Variants in TRPM3 observed in about 807,000 individuals in gnomAD.
TRPM3 encodes the protein transient receptor potential cation channel subfamily M member 3.
TRPM3 carries 77 observed loss-of-function variants against 181.2 expected under a neutral mutation model. The observed-to-expected ratio is 0.42, with a 90% CI of 0.35 to 0.51. TRPM3 has a LOEUF of 0.51. TRPM3 is among the 20% of genes least tolerant of loss of function. The pLI is 0.01. For missense variants in TRPM3, 1,759 were observed against 2,196.7 expected, an observed-to-expected ratio of 0.80 and a Z score of 3.98; for synonymous variants, 745 against 796.4, an observed-to-expected ratio of 0.94 and a Z score of 1.09.
intron 1 of TRPM3, among the ~76,000 whole-genome samples, chr9:71,272,961 G>C (rs574244024): frequency 6.6e-6 from 1 of 150,778 alleles, no homozygotes; most frequent in African/African-American, 2.4e-5. Flanking sequence ...TGCAACCTTC[G>C]CCTCCCGGGT....
intron 1 of TRPM3, among the ~76,000 whole-genome samples, chr9:71,208,783 T>A (rs1024866711): frequency 1.3e-5 from 2 of 152,180 alleles, no homozygotes; most frequent in Non-Finnish European, 2.9e-5. Flanking sequence ...TATACTATAA[T>A]TCTCCCATTT....
intron 14 of TRPM3, among the ~76,000 whole-genome samples, chr9:70,623,365 C>CAA (rs34432876): frequency 1.3e-4 from 15 of 112,808 alleles, no homozygotes; most frequent in East Asian, 1.3e-3. Context: ...GACTGCGTCT[C>CAA]AAAAAAAAAA....
Position 70,827,922 on chromosome 9 carries a change from T to C in TRPM3, c.898A>G (p.Thr300Ala). Residue 300 changes from threonine to alanine, a missense_variant, in exon 6 of 26, where the codon ACT becomes GCT. This residue lies in a region of TRPM3 where 737 missense variants were observed against 957.4 expected (regional missense o/e 0.77). Coordinates refer to ENST00000677713, the MANE Select transcript of TRPM3 (RefSeq NM_001366145.2). ...TTCACCTCTGCTCCATATTTTCCAG[T>C]GGTCCCGTTGTCAGCCAGAATGAAG... is the stretch of plus-strand genomic sequence containing the variant. ...SHFILADNGT[T>A]GKYGAEVKLR... 6.2e-7 allele frequency: 1 copy of C among 1,614,174 alleles called. No homozygotes were observed. Among genetic ancestry groups the C allele is most frequent in the Non-Finnish European group, 8.5e-7 (1 of 1,179,996 alleles).
intron 1 of TRPM3, among the ~76,000 whole-genome samples, chr9:71,086,448 T>A (rs1287249888): frequency 6.6e-6 from 1 of 151,990 alleles, no homozygotes; most frequent in East Asian, 1.9e-4. Context: ...AATGGACCAC[T>A]GACATAAATT....
In TRPM3 at chr9:70,535,565, C is replaced by T; in HGVS notation, c.*388G>A. On this transcript the variant is annotated 3_prime_UTR_variant, in exon 26 of 26. Transcript: ENST00000677713. ...TTTATTTTGCAATTTAGCCCTGCAT[C>T]CTACAACTCTTGATAATGGTCAGAA... 2.0e-6 allele frequency: 3 copies of T among 1,529,746 alleles called. No homozygotes were observed. Among genetic ancestry groups the T allele is most frequent in the Non-Finnish European group, 2.6e-6 (3 of 1,140,482 alleles). 94.8% of individuals were successfully genotyped at this position (1,529,746 alleles called of 1,614,324 possible).
In TRPM3 at chr9:70,843,227, A is replaced by C. The variant is rs910763802; in HGVS notation, c.677-100T>G. On this transcript the variant is annotated intron_variant, in intron 4 of 25. Transcript: ENST00000677713. Reference sequence around the variant, plus strand: ...TAATGGTTTCTCCCGAGGTTAAATAAATTGAATATAAAATTTTGACACATT... The same window carrying C: ...TAATGGTTTCTCCCGAGGTTAAATACATTGAATATAAAATTTTGACACATT... The C allele has an allele frequency of 1.4e-5, 18 of 1,265,932 alleles. No homozygotes were observed. The East Asian group carries it at 4.5e-4, about 32-fold the overall frequency. The allele number at this position is 1,265,932 out of a possible 1,614,324, so 78.4% of individuals were successfully genotyped here.
At chr9:70,631,804 A>G (rs1445888408) in intron 12 of TRPM3, among the ~76,000 whole-genome samples, 1 of 152,228 alleles carries the variant, frequency 6.6e-6, no homozygotes, top group Non-Finnish European at 1.5e-5. Flanking sequence ...ATTTCAAAAC[A>G]AGCTTGGGAG....
At chr9:70,980,026 G>A (rs901555984) in intron 1 of TRPM3, among the ~76,000 whole-genome samples, 5 of 141,096 alleles carry the variant, frequency 3.5e-5, no homozygotes, top group African/African-American at 1.4e-4. Context: ...ATTTTGGCAG[G>A]ACCCAATCAG....
chr9:71,077,049 T>C (rs1037589128), intron 1 of TRPM3, among the ~76,000 whole-genome samples: 1 of 152,180 alleles, frequency 6.6e-6, no homozygotes, highest in African/African-American at 2.4e-5. Context: ...GGTTATAGTC[T>C]TTCTTCCCTT....
At chr9:70,569,221 C>A (rs967294570) in intron 22 of TRPM3, among the ~76,000 whole-genome samples, 1 of 152,138 alleles carries the variant, frequency 6.6e-6, no homozygotes, top group African/African-American at 2.4e-5. Flanking sequence ...TGTTTTTAAT[C>A]CATGGAAACA....
intron 1 of TRPM3, among the ~76,000 whole-genome samples, chr9:71,086,056 A>G (rs2065202906): frequency 6.6e-6 from 1 of 152,028 alleles, no homozygotes; most frequent in South Asian, 2.1e-4. Context: ...AGCAACATGG[A>G]CACAGCTACA....
intron 1 of TRPM3, among the ~76,000 whole-genome samples, chr9:70,994,217 T>TACAG (rs931027029): frequency 1.3e-5 from 2 of 152,154 alleles, no homozygotes; most frequent in African/African-American, 4.8e-5. Context: ...AAAATAAAGC[T>TACAG]ACAGAGAGAA....
intron 1 of TRPM3, among the ~76,000 whole-genome samples, chr9:71,118,486 T>C (rs2072915933): frequency 6.6e-6 from 1 of 152,186 alleles, no homozygotes; most frequent in Non-Finnish European, 1.5e-5. Context: ...CAAAGGAAGT[T>C]AGCAAAGATA....
intron 1 of TRPM3, among the ~76,000 whole-genome samples, chr9:71,008,957 G>A (rs2097707787): frequency 6.6e-6 from 1 of 152,256 alleles, no homozygotes; most frequent in Non-Finnish European, 1.5e-5. Context: ...CACATTAACA[G>A]AATTAATTAA....
chr9:70,834,370 T>C (rs2094159870), intron 5 of TRPM3, among the ~76,000 whole-genome samples: 1 of 152,200 alleles, frequency 6.6e-6, no homozygotes, highest in Non-Finnish European at 1.5e-5. Context: ...GGGAACCCTT[T>C]ACCATTCAGC....
chr9:71,414,455 T>C (rs1271968928), intron 1 of TRPM3, among the ~76,000 whole-genome samples: 1 of 152,068 alleles, frequency 6.6e-6, no homozygotes, highest in Non-Finnish European at 1.5e-5. Flanking sequence ...AGAACTAATA[T>C]GAACAAAATG....
In TRPM3 at chr9:70,992,878, C is replaced by T. The variant is rs1034290356; in HGVS notation, c.177+128300G>A. Among the ~76,000 whole-genome samples the T allele has an allele frequency of 3.3e-4, 50 of 152,082 alleles. 1 individual carries two copies. Among genetic ancestry groups the T allele is most frequent in the Non-Finnish European group, 7.4e-5 (5 of 68,016 alleles). Reference sequence around the variant, plus strand: ...CAGTGATGTTGAGTCACTGAGGTGTCGGGAAGGTATTACCTTCCTTTGAGG... The same window carrying T: ...CAGTGATGTTGAGTCACTGAGGTGTTGGGAAGGTATTACCTTCCTTTGAGG... On this transcript the variant is annotated intron_variant, in intron 1 of 25. Coordinates refer to ENST00000677713, the MANE Select transcript of TRPM3 (RefSeq NM_001366145.2).
At position 70,615,945 on chromosome 9, in the gene TRPM3, G is replaced by A. The variant is rs1211194397; in HGVS notation, c.2489C>T (p.Pro830Leu). The A allele has an allele frequency of 8.7e-6, 14 of 1,611,494 alleles. No individual in the cohort carries two copies. Among genetic ancestry groups the A allele is most frequent in the African/African-American group, 2.7e-5 (2 of 74,676 alleles). Residue 830 changes from proline (P) to leucine (L), a missense_variant, in exon 18 of 26, where the codon CCC becomes CTC. Physicochemically the swap from Pro to Leu is moderately conservative, Grantham distance 98. This residue lies in a region of TRPM3 where 114 missense variants were observed against 134.8 expected (regional missense o/e 0.85). Coordinates refer to ENST00000677713, the MANE Select transcript of TRPM3 (RefSeq NM_001366145.2). The stretch of plus-strand genomic sequence containing the variant: ...GTCCTCTTCCTCTTTTTCCTTTGTG[G>A]GCTTCTCTGGTTCTTCTGCCTCCTT... Reference protein sequence around the residue: ...QEKEAEEPEKPTKEKEEEDME... With the variant: ...QEKEAEEPEKLTKEKEEEDME...
intron 1 of TRPM3, among the ~76,000 whole-genome samples, chr9:70,891,987 T>C (rs1308893928): frequency 6.6e-6 from 1 of 152,142 alleles, no homozygotes; most frequent in Non-Finnish European, 1.5e-5. Flanking sequence ...ACTTACGGAC[T>C]ACCAAGCTTC....
Sources: allele counts gnomAD v4.1 joint callset (sites outside exome capture counted in the v4.1 genomes callset), GRCh38; gene constraint gnomAD v4.1.1; regional missense constraint gnomAD v4.1.1; transcripts MANE v1.5; gene names NCBI Gene and HGNC (gene_info 2026-07-23, HGNC 2026-07-21).